RBFOX1: variants seen among roughly 807,000 people sequenced by gnomAD.
RBFOX1 encodes RNA binding fox-1 homolog 1, also known as RNA binding protein fox-1 homolog 1.
Under a neutral mutation model 57.7 loss-of-function variants are expected in RBFOX1, and 8 were observed. The ratio of observed to expected loss-of-function variants is 0.14; its 90% CI spans 0.08 to 0.25. RBFOX1 has a LOEUF of 0.25. Ranked by LOEUF, RBFOX1 falls within the 10% of genes least tolerant of loss-of-function variation. RBFOX1 has a pLI of 1.00. For synonymous variants in RBFOX1, 326 were observed against 222.4 expected, an observed-to-expected ratio of 1.47 and a Z score of -4.15; for missense variants, 611 against 548.5, an observed-to-expected ratio of 1.11 and a Z score of -1.14.
At chr16:5,658,756 A>ATGTG (rs1567358544) in intron 3 of RBFOX1, among the ~76,000 whole-genome samples, 110 of 146,326 alleles carry the variant, frequency 7.5e-4, no homozygotes, top group Middle Eastern at 3.6e-3. Context: ...ATATATATAT[A>ATGTG]TATGTGTATG....
At chr16:6,917,414 T>A (rs1204395007) in intron 3 of RBFOX1, among the ~76,000 whole-genome samples, 2 of 152,162 alleles carry the variant, frequency 1.3e-5, no homozygotes, top group East Asian at 3.9e-4. Context: ...TATAAAGAAA[T>A]CTACAAGTGC....
chr16:5,246,586 G>C (rs186648131), intron 1 of RBFOX1, among the ~76,000 whole-genome samples: 1 of 151,932 alleles, frequency 6.6e-6, no homozygotes, highest in Non-Finnish European at 1.5e-5. Context: ...ATGACATTCT[G>C]TGTCCTTTGG....
intron 3 of RBFOX1, among the ~76,000 whole-genome samples, chr16:6,676,208 G>C (rs1057329602): frequency 6.6e-6 from 1 of 151,702 alleles, no homozygotes. Flanking sequence ...GGATCAGATA[G>C]GTAGGCTGGA....
intron 3 of RBFOX1, among the ~76,000 whole-genome samples, chr16:6,920,281 G>A (rs955990760): frequency 6.6e-6 from 1 of 152,048 alleles, no homozygotes; most frequent in Non-Finnish European, 1.5e-5. Context: ...CTTTCCTTTG[G>A]TAGATATCCA....
intron 1 of RBFOX1, among the ~76,000 whole-genome samples, chr16:5,352,229 T>C (rs1025039212): frequency 1.3e-5 from 2 of 152,194 alleles, no homozygotes; most frequent in Non-Finnish European, 2.9e-5. Flanking sequence ...CCTCCTGCGC[T>C]TGTCCACCCT....
At chr16:6,846,165 G>A (rs993594393) in intron 3 of RBFOX1, among the ~76,000 whole-genome samples, 4 of 152,156 alleles carry the variant, frequency 2.6e-5, no homozygotes, top group Admixed American at 2.0e-4. Flanking sequence ...TGCTTACACG[G>A]TGGCCCATCC....
chr16:6,153,073 T>A (rs2096810838), intron 1 of RBFOX1, among the ~76,000 whole-genome samples: 1 of 151,760 alleles, frequency 6.6e-6, no homozygotes, highest in South Asian at 2.1e-4. Context: ...ATTTTTTATT[T>A]CCATAGGTTT....
rs143631765 is a variant in RBFOX1 at position 5,940,118 on chromosome 16, C to T, written c.351+72783C>T. 2.6e-5 allele frequency among the ~76,000 whole-genome samples: 4 copies of T among 152,286 alleles called. No homozygotes were observed. In the East Asian group the frequency reaches 7.7e-4, roughly 29 times the overall value. On this transcript the variant is annotated intron_variant, in intron 4 of 19. Transcript: ENST00000641259. ...CCCTGAAGGCTCACCCCGTATTCCA[C>T]ACTGATAATGGTCCCCTGAGACCAT...
intron 4 of RBFOX1, among the ~76,000 whole-genome samples, chr16:7,473,975 C>G (rs992508428): frequency 3.3e-5 from 5 of 152,080 alleles, no homozygotes; most frequent in African/African-American, 1.2e-4. Flanking sequence ...ATTTAAAAAT[C>G]AATATTATCT....
intron 1 of RBFOX1, among the ~76,000 whole-genome samples, chr16:6,291,770 C>G (rs1037525030): frequency 6.6e-6 from 1 of 152,194 alleles, no homozygotes; most frequent in African/African-American, 2.4e-5. Flanking sequence ...TGCCCTTTCC[C>G]CTTTAAATAT....
At chr16:6,813,123 C>T (rs1440673606) in intron 3 of RBFOX1, among the ~76,000 whole-genome samples, 1 of 151,728 alleles carries the variant, frequency 6.6e-6, no homozygotes, top group African/African-American at 2.4e-5. Flanking sequence ...AAAGTGCAAC[C>T]TAAGTTTTCA....
chr16:5,701,669 A>G (rs2051053584), intron 3 of RBFOX1, among the ~76,000 whole-genome samples: 1 of 152,102 alleles, frequency 6.6e-6, no homozygotes, highest in Non-Finnish European at 1.5e-5. Flanking sequence ...TCTGGCCTAA[A>G]ACAATCCGCC....
intron 2 of RBFOX1, among the ~76,000 whole-genome samples, chr16:6,324,976 G>A (rs748463429): frequency 6.6e-6 from 1 of 152,136 alleles, no homozygotes. Flanking sequence ...AACTAAATCA[G>A]TACAGACATT....
At chr16:5,803,484 T>A (rs2055125013) in intron 3 of RBFOX1, among the ~76,000 whole-genome samples, 1 of 152,198 alleles carries the variant, frequency 6.6e-6, no homozygotes, top group Non-Finnish European at 1.5e-5. Flanking sequence ...CATCCATTTT[T>A]AATAACGGTG....
intron 3 of RBFOX1, among the ~76,000 whole-genome samples, chr16:6,808,448 A>G (rs1286269127): frequency 6.6e-6 from 1 of 152,056 alleles, no homozygotes; most frequent in Non-Finnish European, 1.5e-5. Flanking sequence ...CTACATCCCA[A>G]GGATCTCACC....
intron 1 of RBFOX1, among the ~76,000 whole-genome samples, chr16:5,245,383 G>A (rs2062272413): frequency 6.6e-6 from 1 of 152,188 alleles, no homozygotes; most frequent in South Asian, 2.1e-4. Flanking sequence ...GATGGGTCTG[G>A]GGCTAGGAAG....
chr16:7,122,393 C>T (rs1177714531), intron 4 of RBFOX1, among the ~76,000 whole-genome samples: 2 of 151,914 alleles, frequency 1.3e-5, no homozygotes, highest in African/African-American at 2.4e-5. Flanking sequence ...TTATTGGGTC[C>T]TGAGTGGGGG....
chr16:6,978,011 T>G (rs1052825734), intron 3 of RBFOX1, among the ~76,000 whole-genome samples: 12 of 149,666 alleles, frequency 8.0e-5, no homozygotes, highest in African/African-American at 2.2e-4. Flanking sequence ...AGCATTCTTG[T>G]GTGTTTATTT....
chr16:7,140,538 T>G (rs1236894098), intron 4 of RBFOX1, among the ~76,000 whole-genome samples: 1 of 152,094 alleles, frequency 6.6e-6, no homozygotes, highest in African/African-American at 2.4e-5. Flanking sequence ...AATACATCTT[T>G]TAAGTGCATA....
Sources: allele counts gnomAD v4.1 joint callset (sites outside exome capture counted in the v4.1 genomes callset), GRCh38; gene constraint gnomAD v4.1.1; transcripts MANE v1.5; gene names NCBI Gene and HGNC (gene_info 2026-07-23, HGNC 2026-07-21).